Variants in FREM3 observed in about 807,000 individuals in gnomAD.
FREM3 encodes the protein FRAS1-related extracellular matrix protein 3.
FREM3 carries 105 observed loss-of-function variants against 129.1 expected under a neutral mutation model. That is an observed-to-expected ratio of 0.81 (90% CI 0.69 to 0.96). FREM3 has a LOEUF of 0.96. Among genes scored for constraint, FREM3 ranks in the 40% least tolerant of loss-of-function variants. The probability of loss-of-function intolerance (pLI) is 0.00; values close to 1 mark genes in which losing one functional copy is unlikely to be tolerated. For synonymous variants in FREM3, 1,014 were observed against 1,044.9 expected, an observed-to-expected ratio of 0.97 and a Z score of 0.57; for missense variants, 2,593 against 2,666.3, an observed-to-expected ratio of 0.97 and a Z score of 0.61.
intron 7 of FREM3, among the ~76,000 whole-genome samples, chr4:143,578,231 G>A (rs1197499347): frequency 6.6e-6 from 1 of 152,034 alleles, no homozygotes; most frequent in African/African-American, 2.4e-5. Context: ...ATTTTATTTT[G>A]ATTAGGTTTC....
intron 2 of FREM3, among the ~76,000 whole-genome samples, chr4:143,668,419 C>T (rs180822773): frequency 6.6e-6 from 1 of 152,290 alleles, no homozygotes; most frequent in East Asian, 1.9e-4. Flanking sequence ...CAAACAACTG[C>T]CAAAAAATAG....
At chr4:143,634,506 C>T (rs776700882) in intron 2 of FREM3, among the ~76,000 whole-genome samples, 63 of 152,034 alleles carry the variant, frequency 4.1e-4, no homozygotes, top group Non-Finnish European at 7.4e-4. Flanking sequence ...TCTCTCAGAC[C>T]TGCTACTGGG....
At chr4:143,588,266 A>C (rs930477445) in intron 6 of FREM3, among the ~76,000 whole-genome samples, 1 of 152,002 alleles carries the variant, frequency 6.6e-6, no homozygotes, top group Non-Finnish European at 1.5e-5. Context: ...ATTATACTTT[A>C]AGTTTTAGGG....
chr4:143,653,940 G>GA (rs929780514), intron 2 of FREM3, among the ~76,000 whole-genome samples: 2 of 152,192 alleles, frequency 1.3e-5, no homozygotes, highest in Non-Finnish European at 2.9e-5. Context: ...TGAAACATGA[G>GA]AAAAAAGTTT....
intron 4 of FREM3, among the ~76,000 whole-genome samples, chr4:143,621,653 T>A (rs1357679952): frequency 2.6e-5 from 4 of 152,226 alleles, no homozygotes; most frequent in Non-Finnish European, 2.9e-5. Context: ...AAAAATAAGC[T>A]ACAGGTCCTT....
intron 2 of FREM3, among the ~76,000 whole-genome samples, chr4:143,686,997 C>T (rs113255534): frequency 0.073 from 11,060 of 151,812 alleles, 1,071 homozygotes; most frequent in African/African-American, 0.21. Flanking sequence ...CTAAGTGAAA[C>T]TGAAACAAAC....
chr4:143,577,839 A>T lies in FREM3; in HGVS notation c.6192T>A (p.Tyr2064Ter), dbSNP rs564325019. The T allele has an allele frequency of 2.0e-6, 3 of 1,537,156 alleles. No individual in the cohort carries two copies. In the South Asian group the frequency reaches 3.6e-5, roughly 18 times the overall value. The change falls in exon 8 of 8, where the codon TAT becomes TAA. Residue 2064 changes from tyrosine to a stop codon, truncating the protein, a stop_gained. Transcript: ENST00000329798. LOFTEE classifies it low-confidence loss of function (END_TRUNC). ...AGTCCAGGTTTCGGCTGATACCAAC[A>T]TAATCTGTTCCAGCTAGTGAAAAAG... ...EQESAEAGTDYVGISRNLDFA... is the reference protein window; with the variant it reads ...EQESAEAGTD
intron 7 of FREM3, among the ~76,000 whole-genome samples, chr4:143,580,427 C>T (rs1244102797): frequency 1.3e-5 from 2 of 152,192 alleles, no homozygotes; most frequent in African/African-American, 4.8e-5. Flanking sequence ...CCATGACCAC[C>T]CCTACCACTG....
chr4:143,626,180 G>A (rs955597596), intron 3 of FREM3, among the ~76,000 whole-genome samples: 11 of 152,150 alleles, frequency 7.2e-5, no homozygotes, highest in African/African-American at 2.4e-4. Context: ...GAGTACTTAC[G>A]GAACAGAAGG....
intron 2 of FREM3, among the ~76,000 whole-genome samples, chr4:143,692,565 A>T (rs907303239): frequency 6.6e-6 from 1 of 152,170 alleles, no homozygotes; most frequent in Non-Finnish European, 1.5e-5. Context: ...GCTGCCCATT[A>T]TTCTACTTTG....
At chr4:143,593,984 G>C (rs537263197) in intron 6 of FREM3, among the ~76,000 whole-genome samples, 1 of 152,312 alleles carries the variant, frequency 6.6e-6, no homozygotes, top group East Asian at 1.9e-4. Flanking sequence ...AGACTGCTGT[G>C]CTAGCAATGA....
At position 143,700,007 on chromosome 4, in the gene FREM3, G is replaced by A; in HGVS notation, c.669C>T (p.Tyr223=). ...CCCCCACCGCGTCCACCAAGCGCCC[G>A]TACTTGGGCAGGGGGCCGTCCTCGT... ...LPHEDGPLPK[Y]GRLVDAVGAP... The change falls in exon 1 of 8, where the codon TAC becomes TAT. Residue 223 remains tyrosine, a synonymous_variant. Transcript: ENST00000329798. 6.7e-7 allele frequency: 1 copy of A among 1,503,038 alleles called. No homozygotes were observed. Among genetic ancestry groups the A allele is most frequent in the Non-Finnish European group, 8.9e-7 (1 of 1,128,092 alleles). The allele number at this position is 1,503,038 out of a possible 1,614,324, so 93.1% of individuals were successfully genotyped here.
intron 2 of FREM3, among the ~76,000 whole-genome samples, chr4:143,676,677 A>G (rs994123709): frequency 1.3e-5 from 2 of 152,238 alleles, no homozygotes; most frequent in African/African-American, 4.8e-5. Context: ...TTAAGCTGAT[A>G]AGCAACTTCA....
chr4:143,602,902 C>T (rs931871313), intron 6 of FREM3, among the ~76,000 whole-genome samples: 1 of 152,092 alleles, frequency 6.6e-6, no homozygotes, highest in African/African-American at 2.4e-5. Flanking sequence ...GTATTCTGAC[C>T]TTGGATGCTG....
intron 7 of FREM3, among the ~76,000 whole-genome samples, chr4:143,579,058 T>A (rs957199517): frequency 6.7e-6 from 1 of 149,260 alleles, no homozygotes; most frequent in Non-Finnish European, 1.5e-5. Context: ...AACTCAAGAG[T>A]TGACAAAAAA....
chr4:143,577,920 T>C (rs1425970994), intron 7 of FREM3, 68 bp from the exon 8 acceptor site: 3 of 1,466,400 alleles, frequency 2.0e-6, no homozygotes, highest in South Asian at 2.7e-5. Flanking sequence ...CAGAGAAAAA[T>C]GAGAGCTCTC....
chr4:143,699,978 G>A lies in FREM3; in HGVS notation c.698C>T (p.Pro233Leu). The A allele has an allele frequency of 6.6e-7, 1 of 1,505,574 alleles. No homozygotes were observed. The highest frequency in any genetic ancestry group is 8.9e-7 in the Non-Finnish European group (1 of 1,128,868). 93.3% of individuals were successfully genotyped at this position (1,505,574 alleles called of 1,614,324 possible). The change falls in exon 1 of 8, where the codon CCT becomes CTT. Residue 233 changes from proline (P) to leucine (L), a missense_variant. By Grantham distance (98) the Pro-to-Leu change is moderately conservative (BLOSUM62 -3). Around this residue, in one of 2 missense-constraint regions of FREM3, gnomAD observed 2,276 missense variants for 2,267.2 expected, o/e 1.00. Coordinates refer to ENST00000329798, the MANE Select transcript of FREM3 (RefSeq NM_001168235.2). The surrounding 1 kb of genome is among the most constrained non-coding windows in gnomAD (Gnocchi z 4.2). ...YGRLVDAVGA[P>L]LPRGKGVDCE... ...GTCTACGCCCTTGCCCCTGGGGAGA[G>A]GGGCCCCCACCGCGTCCACCAAGCG... is the stretch of plus-strand genomic sequence containing the variant.
intron 7 of FREM3, among the ~76,000 whole-genome samples, chr4:143,580,360 C>T (rs1015316096): frequency 1.3e-5 from 2 of 152,152 alleles, no homozygotes; most frequent in Non-Finnish European, 2.9e-5. Flanking sequence ...GAGTGCGACC[C>T]TCCTGGGACC....
intron 6 of FREM3, among the ~76,000 whole-genome samples, chr4:143,606,787 A>G (rs933525383): frequency 5.0e-5 from 6 of 119,378 alleles, no homozygotes; most frequent in African/African-American, 1.3e-4. Flanking sequence ...CTATGAATCT[A>G]GAAGGATTTT....
Sources: gnomAD v4.1 joint callset for allele counts (sites outside exome capture counted in the v4.1 genomes callset) on GRCh38, gnomAD v4.1.1 for gene constraint, gnomAD v4.1.1 regional missense constraint, Gnocchi (gnomAD v3.1) non-coding constraint, MANE v1.5 for transcripts, NCBI Gene and HGNC (gene_info 2026-07-23, HGNC 2026-07-21) for gene names.